PTPN9: variants seen among roughly 807,000 people sequenced by gnomAD.
The protein encoded by PTPN9 is protein tyrosine phosphatase non-receptor type 9, also known as tyrosine-protein phosphatase non-receptor type 9.
A neutral mutation model predicts 69.8 loss-of-function variants in PTPN9; 26 were observed. The observed-to-expected ratio is 0.37, with a 90% CI of 0.27 to 0.52. The LOEUF is 0.52. Among genes scored for constraint, PTPN9 ranks in the 20% least tolerant of loss-of-function variants. PTPN9 has a pLI of 0.91. For missense variants in PTPN9, 549 were observed against 740.3 expected (o/e 0.74, Z 3.00); for synonymous variants, 274 against 272.5 (o/e 1.01, Z -0.05).
intron 1 of PTPN9, among the ~76,000 whole-genome samples, chr15:75,570,576 CCT>C (rs2075144372): frequency 6.6e-6 from 1 of 152,018 alleles, no homozygotes; most frequent in Non-Finnish European, 1.5e-5. Flanking sequence ...TCGTGACCAG[CCT>C]GGGCAACATG....
At chr15:75,486,853 C>T (rs111438309) in intron 8 of PTPN9, among the ~76,000 whole-genome samples, 4 of 146,072 alleles carry the variant, frequency 2.7e-5, no homozygotes, top group South Asian at 2.2e-4. Flanking sequence ...GGTGCGATCT[C>T]GGCTTACTGC....
intron 1 of PTPN9, among the ~76,000 whole-genome samples, chr15:75,566,264 T>C (rs756943035): frequency 6.6e-6 from 1 of 152,128 alleles, no homozygotes; most frequent in Non-Finnish European, 1.5e-5. Flanking sequence ...ATAAATCTTC[T>C]AGTTTATAAA....
chr15:75,543,661 G>T (rs1016154836), intron 1 of PTPN9, among the ~76,000 whole-genome samples: 3 of 152,172 alleles, frequency 2.0e-5, no homozygotes, highest in African/African-American at 7.2e-5. Flanking sequence ...GAGACATGGT[G>T]AGAAGATTAA....
intron 1 of PTPN9, among the ~76,000 whole-genome samples, chr15:75,530,910 T>C (rs866329953): frequency 4.8e-4 from 57 of 118,408 alleles, no homozygotes; most frequent in African/African-American, 1.7e-3. Flanking sequence ...TTATATATTA[T>C]AATATATATT....
rs1299357371 is a variant in PTPN9, at chr15:75,530,608, TAC to T, written c.64-3349_64-3348del. On this transcript the variant is annotated intron_variant, in intron 1 of 12. Transcript: ENST00000618819. ...TAATATATATTATTATATTATAATA[TAC>T]TATAATATATATTATTATATTATAA... Among the ~76,000 whole-genome samples, 29 of 80,380 alleles carry T rather than the reference TAC, an allele frequency of 3.6e-4. 2 individuals carry two copies. The highest frequency in any genetic ancestry group is 1.5e-3 in the African/African-American group (29 of 19,260). 52.7% of individuals were successfully genotyped at this position (80,380 alleles called of 152,430 possible). A position where few individuals can be genotyped will look rare whatever the true frequency, so the allele number is the denominator to read the frequency against.
intron 6 of PTPN9, 116 bp from the exon 7 acceptor site, chr15:75,506,119 T>C (rs1306245135): frequency 2.6e-6 from 2 of 773,280 alleles, no homozygotes; most frequent in Non-Finnish European, 4.1e-6. Context: ...TTTCTTGAAA[T>C]ACAAGGTATA....
rs544753221 is a variant in PTPN9, at chr15:75,527,347, C to T, written c.64-86G>A. On this transcript the variant is annotated intron_variant, in intron 1 of 12. Coordinates refer to ENST00000618819, the MANE Select transcript of PTPN9 (RefSeq NM_002833.4). The stretch of plus-strand genomic sequence containing the variant: ...AACAAACAAGTGAAAACTATCATCC[C>T]TTCTCCAAGCAAGTCTGAACCCAGT... 5.6e-4 allele frequency: 827 copies of T among 1,476,898 alleles called. 3 individuals carry two copies. The African/African-American group carries it at 9.3e-3, about 17-fold the overall frequency. 91.5% of individuals were successfully genotyped at this position (1,476,898 alleles called of 1,614,324 possible). A position where few individuals can be genotyped will look rare whatever the true frequency, so the allele number is the denominator to read the frequency against.
intron 5 of PTPN9, among the ~76,000 whole-genome samples, chr15:75,510,371 A>G (rs2074839851): frequency 6.6e-6 from 1 of 152,062 alleles, no homozygotes; most frequent in East Asian, 1.9e-4. Flanking sequence ...TCAGGCTCCC[A>G]AGTAACTGGG....
chr15:75,572,003 T>C (rs763496707), intron 1 of PTPN9, among the ~76,000 whole-genome samples: 1 of 152,088 alleles, frequency 6.6e-6, no homozygotes, highest in Admixed American at 6.6e-5. Context: ...TGAACAGCTA[T>C]AATTATACAG....
In PTPN9 at chr15:75,469,931, T is replaced by C. The variant is rs776745142; in HGVS notation, c.1428A>G (p.Ser476=). ...LSWPDYGVPS[S]AASLIDFLRV... ...TCAAGAAGTCAATGAGGGAAGCTGC[T>C]GAGGAAGGGACACCATAGTCTGGCC... The change falls in exon 12 of 13, where the codon TCA becomes TCG. Residue 476 remains serine (S), a synonymous_variant. Transcript: ENST00000618819. The C allele has an allele frequency of 1.9e-6, 3 of 1,614,060 alleles. No individual in the cohort carries two copies. The highest frequency in any genetic ancestry group is 2.5e-6 in the Non-Finnish European group (3 of 1,180,002).
intron 1 of PTPN9, among the ~76,000 whole-genome samples, chr15:75,576,681 G>A (rs976023042): frequency 5.3e-5 from 8 of 150,726 alleles, no homozygotes; most frequent in Admixed American, 5.3e-4. Flanking sequence ...GGTGGCAGGC[G>A]CCTGTAATCC....
intron 11 of PTPN9, 78 bp downstream of exon 11, chr15:75,470,602 T>C (rs1308931928): frequency 3.9e-6 from 6 of 1,525,684 alleles, no homozygotes; most frequent in East Asian, 4.5e-5. Flanking sequence ...ATCCTACCTA[T>C]TCCCTCTGGA....
chr15:75,506,573 G>C (rs574719432), intron 6 of PTPN9, among the ~76,000 whole-genome samples: 1 of 152,178 alleles, frequency 6.6e-6, no homozygotes, highest in Admixed American at 6.5e-5. Flanking sequence ...GTAGTGGCGT[G>C]ATGAAGGCTC....
At chr15:75,558,498 ACTCTCC>A (rs1240458948) in intron 1 of PTPN9, among the ~76,000 whole-genome samples, 16 of 150,134 alleles carry the variant, frequency 1.1e-4, no homozygotes, top group South Asian at 4.2e-4. Context: ...CAAGAGTGAG[ACTCTCC>A]CTCTCCCTCT....
intron 1 of PTPN9, among the ~76,000 whole-genome samples, chr15:75,560,898 A>G (rs963793157): frequency 1.7e-4 from 26 of 151,924 alleles, no homozygotes; most frequent in Non-Finnish European, 3.7e-4. Flanking sequence ...TCGTGCCTGT[A>G]ATCCCAGCTA....
At chr15:75,515,685 G>A (rs944942405) in intron 5 of PTPN9, among the ~76,000 whole-genome samples, 8 of 151,982 alleles carry the variant, frequency 5.3e-5, no homozygotes, top group Admixed American at 2.6e-4. Context: ...ATCACCCCAG[G>A]TCAGGAGTTT....
chr15:75,470,683 T>C lies in PTPN9; in HGVS notation c.1356A>G (p.Thr452=). Residue 452 remains threonine, a synonymous_variant, in exon 11 of 13, where the codon ACA becomes ACG. Transcript: ENST00000618819. ...GAAAAAAGAAACCTGGATTTACCTC[T>C]GTGTTGTGAATTTCTAGCGTTGTTT... The part of the protein sequence containing the change: ...YKKTTLEIHN[T]EERQKRQVTH... The C allele has an allele frequency of 2.5e-6, 4 of 1,614,020 alleles. No homozygotes were observed. Among genetic ancestry groups the C allele is most frequent in the Non-Finnish European group, 3.4e-6 (4 of 1,179,910 alleles).
chr15:75,496,138 CAAA>C (rs55642191), intron 7 of PTPN9, among the ~76,000 whole-genome samples: 3 of 108,114 alleles, frequency 2.8e-5, no homozygotes, highest in Admixed American at 9.8e-5. Flanking sequence ...GAGCCTGTCT[CAAA>C]AAAAAAAAAA....
At chr15:75,529,373 G>C (rs1315868513) in intron 1 of PTPN9, among the ~76,000 whole-genome samples, 1 of 152,112 alleles carries the variant, frequency 6.6e-6, no homozygotes, top group Non-Finnish European at 1.5e-5. Flanking sequence ...TTTCTCAGCT[G>C]TTTGTCTGCA....
Sources: gnomAD v4.1 joint callset for allele counts (sites outside exome capture counted in the v4.1 genomes callset) on GRCh38, gnomAD v4.1.1 for gene constraint, MANE v1.5 for transcripts, NCBI Gene and HGNC (gene_info 2026-07-23, HGNC 2026-07-21) for gene names.